USP34: variants seen among roughly 807,000 people sequenced by gnomAD.
USP34 encodes the protein ubiquitin specific peptidase 34, also known as ubiquitin carboxyl-terminal hydrolase 34.
A neutral mutation model predicts 460.3 loss-of-function variants in USP34; 70 were observed. That is an observed-to-expected ratio of 0.15 (90% CI 0.13 to 0.19). The LOEUF (loss-of-function observed/expected upper bound fraction) is 0.19. USP34 is among the 10% of genes least tolerant of loss of function. USP34 has a pLI of 1.00. For synonymous variants in USP34, 1,647 were observed against 1,405.3 expected (o/e 1.17, Z -3.85); for missense variants, 3,985 against 4,236.2 (o/e 0.94, Z 1.65).
intron 21 of USP34, among the ~76,000 whole-genome samples, chr2:61,323,077 C>T (rs1488721495): frequency 6.6e-6 from 1 of 152,044 alleles, no homozygotes; most frequent in Admixed American, 6.6e-5. Flanking sequence ...AGGAACTGTG[C>T]CAATAAGAGA....
intron 20 of USP34, among the ~76,000 whole-genome samples, chr2:61,330,192 A>G (rs1484588128): frequency 6.6e-6 from 1 of 152,232 alleles, no homozygotes; most frequent in African/African-American, 2.4e-5. Context: ...ACAAGTTGTC[A>G]TATCATATAG....
chr2:61,195,052 T>A (rs1686758590), intron 75 of USP34, among the ~76,000 whole-genome samples: 1 of 151,112 alleles, frequency 6.6e-6, no homozygotes. Context: ...AAACCCCGTC[T>A]CTACTAAAAA....
intron 67 of USP34, among the ~76,000 whole-genome samples, chr2:61,216,032 A>C (rs1687386153): frequency 6.6e-6 from 1 of 152,212 alleles, no homozygotes; most frequent in South Asian, 2.1e-4. Flanking sequence ...TATTCTAACT[A>C]TAACTTGATA....
intron 23 of USP34, among the ~76,000 whole-genome samples, chr2:61,315,809 A>G (rs957553833): frequency 3.9e-5 from 6 of 152,326 alleles, no homozygotes; most frequent in African/African-American, 7.2e-5. Flanking sequence ...ATTGGCAGCT[A>G]AACAACTTTA....
chr2:61,239,157 T>G (rs981009465), intron 53 of USP34, among the ~76,000 whole-genome samples: 1 of 151,856 alleles, frequency 6.6e-6, no homozygotes, highest in African/African-American at 2.4e-5. Flanking sequence ...GCCTCCATAT[T>G]CTCTGAGACA....
At chr2:61,244,619 C>CAA (rs61343219) in intron 51 of USP34, among the ~76,000 whole-genome samples, 3 of 122,754 alleles carry the variant, frequency 2.4e-5, no homozygotes, top group South Asian at 2.4e-4. Context: ...GACTTGGGGG[C>CAA]AAAAAAAAAA....
At chr2:61,444,739 T>G (rs976690604) in intron 1 of USP34, among the ~76,000 whole-genome samples, 2 of 152,120 alleles carry the variant, frequency 1.3e-5, no homozygotes, top group African/African-American at 2.4e-5. Context: ...ACAAATCCCC[T>G]GAGCCCTATG....
At chr2:61,293,996 C>G (rs1329839491) in intron 32 of USP34, among the ~76,000 whole-genome samples, 1 of 151,968 alleles carries the variant, frequency 6.6e-6, no homozygotes, top group Non-Finnish European at 1.5e-5. Context: ...GCCTGGGTGA[C>G]AAGGTGAGAC....
Position 61,294,752 on chromosome 2 carries a change from G to C in USP34, c.4461+197C>G, listed in dbSNP as rs375831057. Among the ~76,000 whole-genome samples the C allele has an allele frequency of 4.5e-4, 68 of 152,230 alleles. No individual in the cohort carries two copies. The Middle Eastern group carries it at 0.024, about 53-fold the overall frequency. ...GTATTTCAATAGAGGGAAAATCAGA[G>C]CTAAAAGCAGGAGCACCAAGGCATT... On this transcript the variant is annotated intron_variant, in intron 32 of 79. Coordinates refer to ENST00000398571, the MANE Select transcript of USP34 (RefSeq NM_014709.4).
At chr2:61,458,204 G>A (rs1016279504) in intron 1 of USP34, among the ~76,000 whole-genome samples, 7 of 152,086 alleles carry the variant, frequency 4.6e-5, no homozygotes, top group Admixed American at 2.0e-4. Context: ...AGCTACTTCA[G>A]ACTTGGAGTT....
chr2:61,463,182 G>C (rs1419859457), intron 1 of USP34, among the ~76,000 whole-genome samples: 1 of 151,796 alleles, frequency 6.6e-6, no homozygotes, highest in African/African-American at 2.4e-5. Flanking sequence ...ACAGTATTAA[G>C]AAAGATTCTC....
chr2:61,331,703 A>G (rs956473470), intron 19 of USP34, among the ~76,000 whole-genome samples: 1 of 152,020 alleles, frequency 6.6e-6, no homozygotes, highest in African/African-American at 2.4e-5. Flanking sequence ...ACTTAGCACA[A>G]TATCTGGCAT....
intron 41 of USP34, among the ~76,000 whole-genome samples, chr2:61,273,949 T>G (rs1248614991): frequency 6.6e-6 from 1 of 151,906 alleles, no homozygotes; most frequent in Non-Finnish European, 1.5e-5. Flanking sequence ...TCCTTTCACC[T>G]AAACAATTTC....
intron 76 of USP34, 62 bp downstream of exon 76, chr2:61,192,839 A>G: frequency 7.0e-7 from 1 of 1,435,044 alleles, no homozygotes; most frequent in Non-Finnish European, 9.6e-7. Flanking sequence ...CTGTTCCTAA[A>G]ATTATTGACC....
At chr2:61,463,232 G>A (rs1479247895) in intron 1 of USP34, among the ~76,000 whole-genome samples, 2 of 151,440 alleles carry the variant, frequency 1.3e-5, no homozygotes, top group Non-Finnish European at 2.9e-5. Flanking sequence ...GGAGGCTGAG[G>A]CAGGAGCATC....
chr2:61,470,272 G>A (rs1695909914), intron 1 of USP34, among the ~76,000 whole-genome samples: 1 of 152,200 alleles, frequency 6.6e-6, no homozygotes, highest in African/African-American at 2.4e-5. Flanking sequence ...TTGGACTGCG[G>A]AGGAAAGCCT....
At chr2:61,435,024 C>G (rs1252903155) in intron 1 of USP34, among the ~76,000 whole-genome samples, 2 of 151,884 alleles carry the variant, frequency 1.3e-5, no homozygotes, top group African/African-American at 4.8e-5. Flanking sequence ...AACAAAGAGG[C>G]CAAGCACAGC....
intron 1 of USP34, among the ~76,000 whole-genome samples, chr2:61,453,030 A>T (rs2256722): frequency 0.1 from 15,400 of 151,622 alleles, 978 homozygotes; most frequent in East Asian, 0.22. Flanking sequence ...TAATATTTTT[A>T]AAAAAAAAGG....
intron 3 of USP34, among the ~76,000 whole-genome samples, chr2:61,402,813 T>C (rs1478607618): frequency 6.6e-6 from 1 of 152,218 alleles, no homozygotes; most frequent in South Asian, 2.1e-4. Context: ...TTACATTTCA[T>C]AATAATTTGT....
Sources: gnomAD v4.1 joint callset for allele counts (sites outside exome capture counted in the v4.1 genomes callset) on GRCh38, gnomAD v4.1.1 for gene constraint, MANE v1.5 for transcripts, NCBI Gene and HGNC (gene_info 2026-07-23, HGNC 2026-07-21) for gene names.